Variants in ME1 observed in about 807,000 individuals in gnomAD.
The protein encoded by ME1 is malic enzyme 1.
Under a neutral mutation model 66.4 loss-of-function variants are expected in ME1, and 74 were observed. That is an observed-to-expected ratio of 1.11 (90% confidence interval 0.92 to 1.35). The LOEUF (loss-of-function observed/expected upper bound fraction) is 1.35, where lower values mean the gene tolerates loss of function less well. ME1 is among the 40% of genes most tolerant of loss of function. ME1 has a pLI of 0.00. For missense variants in ME1, 750 were observed against 694.1 expected (o/e 1.08, Z -0.90); for synonymous variants, 251 against 235.6 (o/e 1.07, Z -0.60).
intron 5 of ME1, among the ~76,000 whole-genome samples, chr6:83,328,703 G>A (rs1342093460): frequency 6.6e-6 from 1 of 152,102 alleles, no homozygotes; most frequent in Non-Finnish European, 1.5e-5. Context: ...ACTTCTTATG[G>A]TCAGGAGCAA....
chr6:83,242,966 G>A (rs1267532297), intron 7 of ME1, among the ~76,000 whole-genome samples: 1 of 152,074 alleles, frequency 6.6e-6, no homozygotes, highest in East Asian at 1.9e-4. Flanking sequence ...TCAAAAGTCT[G>A]TTAAGAAGGC....
chr6:83,347,048 G>C (rs1303929395), intron 4 of ME1, among the ~76,000 whole-genome samples: 2 of 151,988 alleles, frequency 1.3e-5, no homozygotes, highest in Non-Finnish European at 2.9e-5. Flanking sequence ...CTGCCTACCG[G>C]GTTCAGGCAA....
rs1770258166 is a variant in ME1 at position 83,421,122 on chromosome 6, TGTAGATATCA to T, written c.78+9745_78+9754del. The stretch of plus-strand genomic sequence containing the variant: ...CACAAAAAGGGGCACAAATGAAGTA[TGTAGATATCA>T]AAAAGGCAAAACTTCTTTCTAAATC... On this transcript the variant is annotated intron_variant, in intron 1 of 13. Coordinates refer to ENST00000369705, the MANE Select transcript of ME1 (RefSeq NM_002395.6). Among the ~76,000 whole-genome samples, 4 of 152,112 alleles carry T rather than the reference TGTAGATATCA, an allele frequency of 2.6e-5. No homozygotes were observed. In the South Asian group the frequency reaches 6.2e-4, roughly 24 times the overall value.
chr6:83,286,044 GC>G (rs1414334196), intron 6 of ME1, among the ~76,000 whole-genome samples: 1 of 152,096 alleles, frequency 6.6e-6, no homozygotes, highest in African/African-American at 2.4e-5. Flanking sequence ...TACTAGAGAT[GC>G]CATCCTGTTT....
intron 6 of ME1, among the ~76,000 whole-genome samples, chr6:83,309,760 A>C (rs1156535832): frequency 6.6e-6 from 1 of 152,144 alleles, no homozygotes; most frequent in Non-Finnish European, 1.5e-5. Context: ...TCAAGCTTCA[A>C]GCCCCGAAGC....
At chr6:83,411,683 A>C (rs1770051174) in intron 1 of ME1, among the ~76,000 whole-genome samples, 1 of 152,198 alleles carries the variant, frequency 6.6e-6, no homozygotes, top group Admixed American at 6.5e-5. Flanking sequence ...CCCAAATTAT[A>C]CATGCAGGTT....
intron 5 of ME1, among the ~76,000 whole-genome samples, chr6:83,319,862 A>G (rs1768118622): frequency 6.6e-6 from 1 of 152,138 alleles, no homozygotes; most frequent in South Asian, 2.1e-4. Flanking sequence ...TCCAGCTATG[A>G]ATGAGAATGT....
chr6:83,410,618 G>A (rs1292840077), intron 1 of ME1, among the ~76,000 whole-genome samples: 1 of 152,078 alleles, frequency 6.6e-6, no homozygotes, highest in Non-Finnish European at 1.5e-5. Context: ...AGGAAAGCTG[G>A]CTAAAGTCTC....
At chr6:83,346,011 G>A (rs1768677557) in intron 5 of ME1, among the ~76,000 whole-genome samples, 162 bp downstream of exon 5, 3 of 152,078 alleles carry the variant, frequency 2.0e-5, no homozygotes, top group African/African-American at 7.2e-5. Flanking sequence ...AAGGAGAACA[G>A]GAGAAGTAAT....
chr6:83,290,281 C>G (rs1036109047), intron 6 of ME1, among the ~76,000 whole-genome samples: 1 of 152,124 alleles, frequency 6.6e-6, no homozygotes, highest in Non-Finnish European at 1.5e-5. Context: ...ATAAATTTCC[C>G]TCTACACACT....
At chr6:83,396,828 C>A (rs1769741136) in intron 3 of ME1, among the ~76,000 whole-genome samples, 1 of 151,940 alleles carries the variant, frequency 6.6e-6, no homozygotes, top group Non-Finnish European at 1.5e-5. Flanking sequence ...GAATAGACAG[C>A]CCAGAAATAA....
chr6:83,230,758 C>T (rs924968913), intron 9 of ME1, among the ~76,000 whole-genome samples: 7 of 151,832 alleles, frequency 4.6e-5, no homozygotes, highest in African/African-American at 1.7e-4. Context: ...GGTGAAACCC[C>T]GTCTCTACTA....
intron 5 of ME1, among the ~76,000 whole-genome samples, chr6:83,323,366 A>G (rs780229272): frequency 2.6e-5 from 4 of 152,208 alleles, no homozygotes; most frequent in Non-Finnish European, 5.9e-5. Context: ...GGCAAACAGG[A>G]TAAAGAGTCA....
intron 13 of ME1, 30 bp downstream of exon 13, chr6:83,216,468 A>G: frequency 2.8e-6 from 4 of 1,437,874 alleles, no homozygotes; most frequent in Non-Finnish European, 3.9e-6. Flanking sequence ...GGAAGGAAAA[A>G]TAATGAAGCT....
At chr6:83,293,912 T>C (rs1583362287) in intron 6 of ME1, among the ~76,000 whole-genome samples, 2 of 152,342 alleles carry the variant, frequency 1.3e-5, no homozygotes, top group African/African-American at 4.8e-5. Flanking sequence ...GTAGCATCTA[T>C]TTACTCTCTG....
intron 6 of ME1, among the ~76,000 whole-genome samples, chr6:83,290,021 T>C (rs188941449): frequency 6.6e-6 from 1 of 152,348 alleles, no homozygotes; most frequent in East Asian, 1.9e-4. Context: ...TTCTTCCCTC[T>C]TTTATCCTTT....
chr6:83,416,782 G>C (rs773145989), intron 1 of ME1, among the ~76,000 whole-genome samples: 24 of 151,764 alleles, frequency 1.6e-4, no homozygotes, highest in Non-Finnish European at 3.2e-4. Flanking sequence ...TGTAGTCCCA[G>C]CTACTTGGGA....
At chr6:83,364,026 T>C (rs1372793225) in intron 3 of ME1, among the ~76,000 whole-genome samples, 4 of 152,158 alleles carry the variant, frequency 2.6e-5, no homozygotes, top group Non-Finnish European at 5.9e-5. Context: ...ATACTGAGTG[T>C]CAACTTGATA....
At chr6:83,340,395 A>G (rs1768555647) in intron 5 of ME1, among the ~76,000 whole-genome samples, 1 of 152,218 alleles carries the variant, frequency 6.6e-6, no homozygotes, top group African/African-American at 2.4e-5. Context: ...TGGTTTGAAT[A>G]GATTTCAAAC....
Sources: allele counts gnomAD v4.1 joint callset (sites outside exome capture counted in the v4.1 genomes callset), GRCh38; gene constraint gnomAD v4.1.1; transcripts MANE v1.5; gene names NCBI Gene and HGNC (gene_info 2026-07-23, HGNC 2026-07-21).